Variants in SEMA6D observed in about 807,000 individuals in gnomAD.
SEMA6D encodes semaphorin-6D.
Under a neutral mutation model 106.6 loss-of-function variants are expected in SEMA6D, and 35 were observed. The observed-to-expected ratio is 0.33, with a 90% CI of 0.25 to 0.44. SEMA6D has a LOEUF of 0.44. SEMA6D is among the 20% of genes least tolerant of loss of function. The pLI is 1.00. For synonymous variants in SEMA6D, 499 were observed against 487.7 expected, an observed-to-expected ratio of 1.02 and a Z score of -0.31; for missense variants, 1,185 against 1,345.9, an observed-to-expected ratio of 0.88 and a Z score of 1.87.
At chr15:47,197,135 T>C (rs2141023152) in intron 1 of SEMA6D, among the ~76,000 whole-genome samples, 1 of 152,300 alleles carries the variant, frequency 6.6e-6, no homozygotes, top group East Asian at 1.9e-4. Context: ...CTTCTGTGGA[T>C]TCATTAATAT....
At chr15:47,316,032 A>G (rs1322440461) in intron 1 of SEMA6D, among the ~76,000 whole-genome samples, 1 of 149,302 alleles carries the variant, frequency 6.7e-6, no homozygotes, top group African/African-American at 2.5e-5. Flanking sequence ...TTTTCTACAT[A>G]TATGATCATG....
intron 1 of SEMA6D, among the ~76,000 whole-genome samples, chr15:47,243,955 A>G (rs2033067087): frequency 2.0e-5 from 3 of 152,152 alleles, no homozygotes; most frequent in South Asian, 4.1e-4. Context: ...GGAGTTTACA[A>G]TCTCAGTGGA....
intron 3 of SEMA6D, among the ~76,000 whole-genome samples, chr15:47,548,513 TG>T (rs1470136842): frequency 6.6e-6 from 1 of 152,132 alleles, no homozygotes; most frequent in Non-Finnish European, 1.5e-5. Context: ...GCTCTTCTAA[TG>T]TAGCTTTCAC....
intron 1 of SEMA6D, among the ~76,000 whole-genome samples, chr15:47,386,987 C>T (rs1474673864): frequency 2.6e-5 from 4 of 152,130 alleles, no homozygotes; most frequent in Non-Finnish European, 5.9e-5. Flanking sequence ...GGGTGTTGGC[C>T]CACACTGAGG....
chr15:47,223,405 A>C (rs957627208), intron 1 of SEMA6D, among the ~76,000 whole-genome samples: 2 of 151,908 alleles, frequency 1.3e-5, no homozygotes, highest in East Asian at 3.9e-4. Context: ...TGTTTTTCCG[A>C]AAGGTTTTTA....
intron 1 of SEMA6D, among the ~76,000 whole-genome samples, chr15:47,374,817 T>C (rs756447616): frequency 1.2e-4 from 18 of 152,084 alleles, no homozygotes; most frequent in Admixed American, 6.5e-4. Context: ...TATAGAAACA[T>C]CTATTAGATC....
intron 3 of SEMA6D, among the ~76,000 whole-genome samples, chr15:47,585,863 G>T (rs1037994472): frequency 8.5e-5 from 13 of 152,164 alleles, no homozygotes; most frequent in African/African-American, 3.1e-4. Context: ...AACTTGCTCA[G>T]ATTTGTCTGG....
intron 1 of SEMA6D, among the ~76,000 whole-genome samples, chr15:47,731,294 T>C (rs1446815718): frequency 6.6e-6 from 1 of 150,816 alleles, no homozygotes; most frequent in Non-Finnish European, 1.5e-5. Context: ...TTTTCAGTTA[T>C]ATCCCCAAAG....
intron 1 of SEMA6D, among the ~76,000 whole-genome samples, chr15:47,217,001 A>T (rs1355962471): frequency 6.6e-6 from 1 of 152,082 alleles, no homozygotes; most frequent in East Asian, 1.9e-4. Flanking sequence ...AGGTCATGAG[A>T]CCCAGAAGAT....
chr15:47,661,084 G>C lies in SEMA6D; in HGVS notation c.-55+60188G>C, dbSNP rs151152235. ...GGACCTTCTTTCCTGGTCAACTTTA[G>C]ATACCACCTTGTTTCTTGCACATTT... On this transcript the variant is annotated intron_variant, in intron 4 of 19. Coordinates refer to the SEMA6D transcript ENST00000558014. Among the ~76,000 whole-genome samples the C allele has an allele frequency of 1.2e-4, 18 of 152,310 alleles. 1 individual carries two copies. Among genetic ancestry groups the C allele is most frequent in the African/African-American group, 4.3e-4 (18 of 41,562 alleles).
intron 3 of SEMA6D, among the ~76,000 whole-genome samples, chr15:47,555,804 A>G (rs973194594): frequency 1.3e-5 from 2 of 152,198 alleles, no homozygotes; most frequent in Admixed American, 6.5e-5. Context: ...GGTGATGAGC[A>G]TAAATTGGGT....
chr15:47,287,253 C>T (rs1239903388), intron 1 of SEMA6D, among the ~76,000 whole-genome samples: 1 of 152,120 alleles, frequency 6.6e-6, no homozygotes, highest in Non-Finnish European at 1.5e-5. Flanking sequence ...CTGCACTGGA[C>T]ATGTAGTAAG....
intron 1 of SEMA6D, among the ~76,000 whole-genome samples, chr15:47,340,223 T>C (rs542758858): frequency 3.0e-4 from 45 of 151,872 alleles, no homozygotes; most frequent in Non-Finnish European, 4.9e-4. Context: ...AGCTGATGAG[T>C]GTTAGGCCTT....
chr15:47,302,319 TG>T (rs1309081605), intron 1 of SEMA6D, among the ~76,000 whole-genome samples: 1 of 152,230 alleles, frequency 6.6e-6, no homozygotes, highest in Non-Finnish European at 1.5e-5. Context: ...AGCCCTTTTC[TG>T]TCTCTTGCAA....
intron 1 of SEMA6D, among the ~76,000 whole-genome samples, chr15:47,231,014 C>G (rs2032155965): frequency 6.6e-6 from 1 of 151,970 alleles, no homozygotes; most frequent in African/African-American, 2.4e-5. Flanking sequence ...TTTGTCCTCA[C>G]AATCTAAGGC....
At chr15:47,237,812 G>C (rs946364491) in intron 1 of SEMA6D, among the ~76,000 whole-genome samples, 1 of 152,042 alleles carries the variant, frequency 6.6e-6, no homozygotes, top group Non-Finnish European at 1.5e-5. Flanking sequence ...GGCCCTGGAG[G>C]TCTGTTTCTG....
At chr15:47,642,857 G>C (rs1460408362) in intron 4 of SEMA6D, among the ~76,000 whole-genome samples, 1 of 152,102 alleles carries the variant, frequency 6.6e-6, no homozygotes, top group Non-Finnish European at 1.5e-5. Flanking sequence ...GAAAGTGGTG[G>C]AGCAGCTAGA....
chr15:47,472,503 G>T (rs1201425642), intron 3 of SEMA6D, among the ~76,000 whole-genome samples: 1 of 152,142 alleles, frequency 6.6e-6, no homozygotes, highest in East Asian at 1.9e-4. Flanking sequence ...GGAGGAATGT[G>T]GATGCCTCCA....
intron 1 of SEMA6D, among the ~76,000 whole-genome samples, chr15:47,330,342 A>G (rs1001181767): frequency 1.3e-5 from 2 of 152,178 alleles, no homozygotes; most frequent in African/African-American, 4.8e-5. Flanking sequence ...ATTCACAGAC[A>G]TGCACTATCT....
Sources: gnomAD v4.1 joint callset for allele counts (sites outside exome capture counted in the v4.1 genomes callset) on GRCh38, gnomAD v4.1.1 for gene constraint, MANE v1.5 for transcripts, NCBI Gene and HGNC (gene_info 2026-07-23, HGNC 2026-07-21) for gene names.